UBE2E2: variants seen among roughly 807,000 people sequenced by gnomAD.
UBE2E2 encodes the protein ubiquitin-conjugating enzyme E2 E2.
UBE2E2 carries 6 observed loss-of-function variants against 24.7 expected under a neutral mutation model. The ratio of observed to expected loss-of-function variants is 0.24; its 90% CI spans 0.13 to 0.48. The LOEUF is 0.48. UBE2E2 is among the 20% of genes least tolerant of loss of function. The pLI is 0.99. For synonymous variants in UBE2E2, 104 were observed against 83.6 expected (o/e 1.24, Z -1.33); for missense variants, 169 against 245.0 (o/e 0.69, Z 2.07).
chr3:23,446,364 T>C (rs200241406), intron 3 of UBE2E2, among the ~76,000 whole-genome samples: 1 of 152,186 alleles, frequency 6.6e-6, no homozygotes, highest in East Asian at 1.9e-4. Flanking sequence ...GTCTGCTATG[T>C]GTATTTTACT....
chr3:23,509,499 A>G (rs960369494), intron 4 of UBE2E2, among the ~76,000 whole-genome samples: 1 of 152,122 alleles, frequency 6.6e-6, no homozygotes, highest in Non-Finnish European at 1.5e-5. Context: ...GTCTGAGTTC[A>G]TTTCTGAGAC....
intron 3 of UBE2E2, among the ~76,000 whole-genome samples, chr3:23,347,595 C>G (rs573678567): frequency 6.6e-6 from 1 of 152,192 alleles, no homozygotes; most frequent in East Asian, 1.9e-4. Flanking sequence ...GGAGAAATAC[C>G]TCATGTAAAT....
intron 3 of UBE2E2, among the ~76,000 whole-genome samples, chr3:23,384,972 C>T (rs1237297400): frequency 6.6e-6 from 1 of 151,574 alleles, no homozygotes; most frequent in African/African-American, 2.4e-5. Flanking sequence ...CACTTTGTTG[C>T]CCAGTCTGAT....
intron 5 of UBE2E2, among the ~76,000 whole-genome samples, chr3:23,535,109 CA>C (rs1361158107): frequency 6.6e-6 from 1 of 152,090 alleles, no homozygotes; most frequent in Non-Finnish European, 1.5e-5. Context: ...ATTTGAAAAC[CA>C]GTTTAATTGT....
intron 5 of UBE2E2, among the ~76,000 whole-genome samples, chr3:23,550,026 C>T (rs1480619208): frequency 1.4e-5 from 2 of 146,288 alleles, no homozygotes; most frequent in Non-Finnish European, 1.5e-5. Flanking sequence ...GAGAGAGACT[C>T]CATCTCAAAA....
chr3:23,431,645 C>G (rs1285101831), intron 3 of UBE2E2, among the ~76,000 whole-genome samples: 1 of 152,156 alleles, frequency 6.6e-6, no homozygotes, highest in Non-Finnish European at 1.5e-5. Flanking sequence ...TCACTTCTGA[C>G]ATCTTCAGAT....
chr3:23,452,598 C>T (rs779465760), intron 3 of UBE2E2, among the ~76,000 whole-genome samples: 5 of 152,104 alleles, frequency 3.3e-5, no homozygotes, highest in Non-Finnish European at 7.4e-5. Context: ...GTAACTTGAT[C>T]CTAGTTATAA....
rs145048794 is a variant in UBE2E2 at position 23,476,511 on chromosome 3, A to G, written c.228-23097A>G. 1.4e-3 allele frequency among the ~76,000 whole-genome samples: 212 copies of G among 152,148 alleles called. 5 individuals carry two copies. The highest frequency in any genetic ancestry group is 4.9e-3 in the African/African-American group (202 of 41,420). ...GGAGTTTGAGACCAGCCTAGGCAAC[A>G]TAGTGAGACCCTGTTTCTACAAAAC... On this transcript the variant is annotated intron_variant, in intron 3 of 5. Coordinates refer to ENST00000396703, the MANE Select transcript of UBE2E2 (RefSeq NM_152653.4).
intron 3 of UBE2E2, among the ~76,000 whole-genome samples, chr3:23,352,384 A>T (rs967450581): frequency 5.0e-4 from 76 of 152,336 alleles, no homozygotes; most frequent in Admixed American, 4.4e-3. Flanking sequence ...AACTAAAATC[A>T]GAGCAGAACT....
Position 23,300,280 on chromosome 3 carries a change from T to G in UBE2E2, c.227+82968T>G, listed in dbSNP as rs1249204671. Reference sequence around the variant, plus strand: ...TTTTAATTGGAGCATTTAGTCCATTTACATTTAAAGTTAATATTGTTATGT... The same window carrying G: ...TTTTAATTGGAGCATTTAGTCCATTGACATTTAAAGTTAATATTGTTATGT... On this transcript the variant is annotated intron_variant, in intron 3 of 5. Transcript: ENST00000396703. 2.0e-5 allele frequency among the ~76,000 whole-genome samples: 3 copies of G among 152,292 alleles called. No homozygotes were observed. In the East Asian group the frequency reaches 5.8e-4, roughly 29 times the overall value.
chr3:23,449,230 T>A (rs1397110759), intron 3 of UBE2E2, among the ~76,000 whole-genome samples: 1 of 152,128 alleles, frequency 6.6e-6, no homozygotes, highest in African/African-American at 2.4e-5. Flanking sequence ...AAACATTTGG[T>A]AAGTGTAAGG....
At chr3:23,293,612 A>T (rs1390903102) in intron 3 of UBE2E2, among the ~76,000 whole-genome samples, 1 of 152,208 alleles carries the variant, frequency 6.6e-6, no homozygotes, top group Non-Finnish European at 1.5e-5. Context: ...CTCTATGATT[A>T]TTCTCCCTAT....
At chr3:23,380,406 T>C (rs544446138) in intron 3 of UBE2E2, among the ~76,000 whole-genome samples, 1 of 152,266 alleles carries the variant, frequency 6.6e-6, no homozygotes, top group Admixed American at 6.5e-5. Context: ...TTAAATTTTT[T>C]GTAGAGACTA....
intron 3 of UBE2E2, among the ~76,000 whole-genome samples, chr3:23,485,107 T>G (rs1304494432): frequency 6.7e-6 from 1 of 148,812 alleles, no homozygotes; most frequent in Non-Finnish European, 1.5e-5. Flanking sequence ...TTTTTTTTTT[T>G]TTTTTGAGAT....
chr3:23,500,145 C>T (rs1393974998), intron 4 of UBE2E2, among the ~76,000 whole-genome samples: 1 of 152,136 alleles, frequency 6.6e-6, no homozygotes, highest in Non-Finnish European at 1.5e-5. Flanking sequence ...CAGAGGAAGC[C>T]TTGCCTAGGC....
At chr3:23,526,147 A>G (rs549186651) in intron 4 of UBE2E2, among the ~76,000 whole-genome samples, 1 of 152,306 alleles carries the variant, frequency 6.6e-6, no homozygotes, top group Non-Finnish European at 1.5e-5. Context: ...TCTCTTTAGC[A>G]TTTAAATAGG....
At chr3:23,344,241 C>T (rs977643400) in intron 3 of UBE2E2, among the ~76,000 whole-genome samples, 4 of 151,978 alleles carry the variant, frequency 2.6e-5, no homozygotes, top group Non-Finnish European at 4.4e-5. Context: ...ATTTTCAGTC[C>T]TTCATACTGA....
intron 3 of UBE2E2, among the ~76,000 whole-genome samples, chr3:23,256,378 G>T (rs1287832945): frequency 1.3e-5 from 2 of 152,084 alleles, no homozygotes; most frequent in Non-Finnish European, 2.9e-5. Flanking sequence ...TTATAGAACT[G>T]TTTTTATTAG....
chr3:23,210,215 C>T lies in UBE2E2; in HGVS notation c.176+1340C>T, dbSNP rs1181225719. Among the ~76,000 whole-genome samples, 5 of 152,080 alleles carry T rather than the reference C, an allele frequency of 3.3e-5. No individual in the cohort carries two copies. The South Asian group carries it at 1.0e-3, about 32-fold the overall frequency. ...GATGTTCAGGTACAGATTGTAGTTC[C>T]ACGCAGATGAGGAAGATCTAATTCA... On this transcript the variant is annotated intron_variant, in intron 2 of 5. Transcript: ENST00000396703.
Sources: allele counts gnomAD v4.1 joint callset (sites outside exome capture counted in the v4.1 genomes callset), GRCh38; gene constraint gnomAD v4.1.1; transcripts MANE v1.5; gene names NCBI Gene and HGNC (gene_info 2026-07-23, HGNC 2026-07-21).